CBX6: variants seen among roughly 807,000 people sequenced by gnomAD.
The protein encoded by CBX6 is chromobox 6.
CBX6 carries 7 observed loss-of-function variants against 28.4 expected under a neutral mutation model. The observed-to-expected ratio is 0.25, with a 90% CI of 0.14 to 0.46. CBX6 has a LOEUF of 0.46. Among genes scored for constraint, CBX6 ranks in the 20% least tolerant of loss-of-function variants. The pLI is 0.99. For synonymous variants in CBX6, 297 were observed against 273.4 expected (o/e 1.09, Z -0.85); for missense variants, 512 against 606.1 (o/e 0.84, Z 1.63).
rs2093181859 is a variant in CBX6 at position 38,871,370 on chromosome 22, A to G, written c.246+110T>C. On this transcript the variant is annotated intron_variant, in intron 4 of 4. Coordinates refer to ENST00000407418, the MANE Select transcript of CBX6 (RefSeq NM_014292.5). The surrounding 1 kb of genome is among the most constrained non-coding windows in gnomAD (Gnocchi z 5.6). Reference sequence around the variant, plus strand: ...CCTGCCCAGCTGGGGCCCCTCTGAAAAGGCCGGCCCGCTTGGGCGGCCGCG... The same window carrying G: ...CCTGCCCAGCTGGGGCCCCTCTGAAGAGGCCGGCCCGCTTGGGCGGCCGCG... The G allele has an allele frequency of 1.7e-6, 2 of 1,150,682 alleles. No homozygotes were observed. Among genetic ancestry groups the G allele is most frequent in the Non-Finnish European group, 2.5e-6 (2 of 805,380 alleles). The allele number at this position is 1,150,682 out of a possible 1,614,324, so 71.3% of individuals were successfully genotyped here.
rs958240158 is a variant in CBX6, at chr22:38,866,552, G to C, written c.896C>G (p.Thr299Ser). The change falls in exon 5 of 5, where the codon ACC (threonine) becomes AGC (serine). Residue 299 changes from threonine (T) to serine (S), a missense_variant. Physicochemically the swap from Thr to Ser is moderately conservative, Grantham distance 58. Coordinates refer to ENST00000407418, the MANE Select transcript of CBX6 (RefSeq NM_014292.5). This position sits in a 1 kb window ranked among gnomAD's most constrained non-coding sequence, Gnocchi z 7.5. Reference protein sequence around the residue: ...DDTPPKLLPETVSPSAPSWRE... With the variant: ...DDTPPKLLPESVSPSAPSWRE... ...CCAGCTGGGGGCGGATGGGCTCACGGTCTCGGGGAGGAGCTTGGGGGGCGT... is the reference window on the plus strand; with the variant it reads ...CCAGCTGGGGGCGGATGGGCTCACGCTCTCGGGGAGGAGCTTGGGGGGCGT... 7.6e-6 allele frequency: 12 copies of C among 1,578,412 alleles called. No individual in the cohort carries two copies. Among genetic ancestry groups the C allele is most frequent in the Non-Finnish European group, 9.4e-6 (11 of 1,169,622 alleles).
intron 4 of CBX6, chr22:38,869,780 T>C (rs1390540034): frequency 2.0e-5 from 3 of 152,126 alleles, no homozygotes; most frequent in Non-Finnish European, 4.4e-5. Flanking sequence ...CCCATGTCTG[T>C]GGGCAAGTTA....
At position 38,866,734 on chromosome 22, in the gene CBX6, C is replaced by T. The variant is rs147450865; in HGVS notation, c.714G>A (p.Pro238=). 60 of 1,591,580 alleles carry T rather than the reference C, an allele frequency of 3.8e-5. No individual in the cohort carries two copies. The African/African-American group carries it at 7.5e-4, about 20-fold the overall frequency. The change falls in exon 5 of 5, where the codon CCG becomes CCA. Residue 238 remains proline, a synonymous_variant. Coordinates refer to ENST00000407418, the MANE Select transcript of CBX6 (RefSeq NM_014292.5). This position sits in a 1 kb window ranked among gnomAD's most constrained non-coding sequence, Gnocchi z 7.5. ...GGGACGGGGCTACCAGGGGGGCGGG[C>T]GGAGGCTTGTACAGCGCAAAGGCGC... is the stretch of plus-strand genomic sequence containing the variant. The part of the protein sequence containing the change: ...KFGAFALYKP[P]PAPLVAPSPG...
Position 38,871,579 on chromosome 22 carries a change from G to A in CBX6, c.180-33C>T, listed in dbSNP as rs199673563. The A allele has an allele frequency of 8.5e-5, 137 of 1,612,972 alleles. No individual in the cohort carries two copies. The highest frequency in any genetic ancestry group is 1.7e-4 in the Middle Eastern group (1 of 6,018). On this transcript the variant is annotated intron_variant, in intron 3 of 4. Coordinates refer to ENST00000407418, the MANE Select transcript of CBX6 (RefSeq NM_014292.5). The surrounding 1 kb of genome is among the most constrained non-coding windows in gnomAD (Gnocchi z 5.6). ...CGAAAAACACCAGAGGTTAAAAAGA[G>A]CCCCTTCCCGGGCCCCACTCCGCGC...
At chr22:38,868,213 A>G (rs1322802438) in intron 4 of CBX6, among the ~76,000 whole-genome samples, 1 of 152,232 alleles carries the variant, frequency 6.6e-6, no homozygotes, top group East Asian at 1.9e-4. Context: ...TAAGGAAGGT[A>G]CTGAGGCACC....
In CBX6 at chr22:38,871,500, G is replaced by A; in HGVS notation, c.226C>T (p.Pro76Ser). The A allele has an allele frequency of 6.2e-7, 1 of 1,612,638 alleles. No homozygotes were observed. Among genetic ancestry groups the A allele is most frequent in the South Asian group, 1.1e-5 (1 of 90,970 alleles). The stretch of plus-strand genomic sequence containing the variant: ...GTTACCTTCAGGAGGAAAGTTTTGG[G>A]TTTGGGTCCCCTCTTCTTGGGCCCA... ...LYGPKKRGPK[P>S]KTFLLKARAQ... The change falls in exon 4 of 5, where the codon CCC (proline) becomes TCC (serine). Residue 76 changes from proline to serine, a missense_variant. By Grantham distance (74) the Pro-to-Ser change is moderately conservative. Around this residue, in one of 7 missense-constraint regions of CBX6, gnomAD observed 123 missense variants for 138.1 expected, o/e 0.89. Transcript: ENST00000407418. The surrounding 1 kb of genome is among the most constrained non-coding windows in gnomAD (Gnocchi z 5.6).
Position 38,868,470 on chromosome 22 carries a change from G to A in CBX6, c.247-1269C>T, listed in dbSNP as rs1279939057. On this transcript the variant is annotated intron_variant, in intron 4 of 4. Coordinates refer to ENST00000407418, the MANE Select transcript of CBX6 (RefSeq NM_014292.5). ...TGACTGCACCCCAGACAGTTCCAGA[G>A]GCTGCGGTGGCCTGCTAAGACAGAC... is the stretch of plus-strand genomic sequence containing the variant. Among the ~76,000 whole-genome samples, 3 of 152,344 alleles carry A rather than the reference G, an allele frequency of 2.0e-5. No homozygotes were observed. The East Asian group carries it at 5.8e-4, about 29-fold the overall frequency.
rs1435914439 is a variant in CBX6 at position 38,863,060 on chromosome 22, G to T, written c.*3149C>A. 6.6e-6 allele frequency: 1 copy of T among 152,224 alleles called. No individual in the cohort carries two copies. The highest frequency in any genetic ancestry group is 2.4e-5 in the African/African-American group (1 of 41,444). 9.4% of individuals were successfully genotyped at this position (152,224 alleles called of 1,614,324 possible). On this transcript the variant is annotated 3_prime_UTR_variant, in exon 5 of 5. Transcript: ENST00000407418. ...CCCTTTGCAGGGTGAGAACAAAGAG[G>T]GGTTGTGGGCAGCTGGGGGCCCCAG...
rs762587207 is a variant in CBX6 at position 38,872,167 on chromosome 22, C to T, written c.24G>A (p.Glu8=). 7.0e-7 allele frequency: 1 copy of T among 1,420,634 alleles called. No homozygotes were observed. Among genetic ancestry groups the T allele is most frequent in the Admixed American group, 2.3e-5 (1 of 43,192 alleles). The allele number at this position is 1,420,634 out of a possible 1,614,324, so 88.0% of individuals were successfully genotyped here. MELSAVG[E]RVFAAESIIK... Reference sequence around the variant, plus strand: ...TGATGGATTCGGCCGCGAAGACCCGCTCGCCCACTGCAGACAGCTCCATCT... The same window carrying T: ...TGATGGATTCGGCCGCGAAGACCCGTTCGCCCACTGCAGACAGCTCCATCT... Residue 8 remains glutamate (E), a synonymous_variant, in exon 1 of 5, where the codon GAG becomes GAA. Coordinates refer to ENST00000407418, the MANE Select transcript of CBX6 (RefSeq NM_014292.5). The surrounding 1 kb of genome is among the most constrained non-coding windows in gnomAD (Gnocchi z 5.0).
In CBX6 at chr22:38,871,198, A is replaced by C. The variant is rs540598850; in HGVS notation, c.246+282T>G. The C allele has an allele frequency of 3.8e-6, 2 of 528,626 alleles. 1 individual carries two copies. Among genetic ancestry groups the C allele is most frequent in the South Asian group, 4.4e-5 (2 of 45,044 alleles). 32.7% of individuals were successfully genotyped at this position (528,626 alleles called of 1,614,324 possible). On this transcript the variant is annotated intron_variant, in intron 4 of 4. Transcript: ENST00000407418. The surrounding 1 kb of genome is among the most constrained non-coding windows in gnomAD (Gnocchi z 5.6). ...CCCATGGGCATCCCCCACCTGCCTCAGCCACCCCCTTTCCTGGAGCCCTAA... is the reference window on the plus strand; with the variant it reads ...CCCATGGGCATCCCCCACCTGCCTCCGCCACCCCCTTTCCTGGAGCCCTAA...
chr22:38,867,208 GCA>G lies in CBX6; in HGVS notation c.247-9_247-8del. The G allele has an allele frequency of 3.4e-6, 3 of 874,554 alleles. No homozygotes were observed. The highest frequency in any genetic ancestry group is 5.0e-6 in the Non-Finnish European group (3 of 604,616). 54.2% of individuals were successfully genotyped at this position (874,554 alleles called of 1,614,324 possible). Reference sequence around the variant, plus strand: ...CCTCGGCCTGGGCCCGCGCCTGCGGGCAGAGGGAGGGGTGGGTGGGACCTCAG... The same window carrying G: ...CCTCGGCCTGGGCCCGCGCCTGCGGGGAGGGAGGGGTGGGTGGGACCTCAG... On this transcript the variant is annotated splice_region_variant and splice_polypyrimidine_tract_variant and intron_variant, in intron 4 of 4. Coordinates refer to ENST00000407418, the MANE Select transcript of CBX6 (RefSeq NM_014292.5).
Position 38,871,670 on chromosome 22 carries a change from G to T in CBX6, c.179+22C>A. The T allele has an allele frequency of 6.2e-7, 1 of 1,613,070 alleles. No homozygotes were observed. The highest frequency in any genetic ancestry group is 8.5e-7 in the Non-Finnish European group (1 of 1,179,506). ...GCCGAGCCTCGGCCTCGCAGCCCCT[G>T]CCAGCTTCCCCAACAACTCACTTTT... On this transcript the variant is annotated intron_variant, in intron 3 of 4. Coordinates refer to ENST00000407418, the MANE Select transcript of CBX6 (RefSeq NM_014292.5). The surrounding 1 kb of genome is among the most constrained non-coding windows in gnomAD (Gnocchi z 5.6).
intron 4 of CBX6, among the ~76,000 whole-genome samples, chr22:38,868,931 T>G (rs115948952): frequency 0.013 from 1,948 of 152,290 alleles, 44 homozygotes; most frequent in African/African-American, 0.043. Context: ...ATTTAGAACG[T>G]GGCGTTCACC....
intron 4 of CBX6, among the ~76,000 whole-genome samples, chr22:38,867,728 C>G (rs535479733): frequency 6.6e-6 from 1 of 152,340 alleles, no homozygotes; most frequent in South Asian, 2.1e-4. Context: ...GCCCCGTACT[C>G]TCTCGCCTTT....
rs1461569919 is a variant in CBX6 at position 38,870,084 on chromosome 22, T to G, written c.246+1396A>C. ...TGCCACGCCAACTCTGCAGCCTTCA[T>G]AGTTTCCTGTGTGTGTCTGCCTTCC... On this transcript the variant is annotated intron_variant, in intron 4 of 4. Transcript: ENST00000407418. This position sits in a 1 kb window ranked among gnomAD's most constrained non-coding sequence, Gnocchi z 4.3. 1 of 152,292 alleles carries G rather than the reference T, an allele frequency of 6.6e-6. No individual in the cohort carries two copies. The highest frequency in any genetic ancestry group is 1.5e-5 in the Non-Finnish European group (1 of 68,096). 9.4% of individuals were successfully genotyped at this position (152,292 alleles called of 1,614,324 possible). A position where few individuals can be genotyped will look rare whatever the true frequency, so the allele number is the denominator to read the frequency against.
rs1362917069 is a variant in CBX6 at position 38,867,176 on chromosome 22, C to T, written c.272G>A (p.Arg91His). The change falls in exon 5 of 5, where the codon CGC becomes CAC. Residue 91 changes from arginine (R) to histidine (H), a missense_variant. By Grantham distance (29) the Arg-to-His change is conservative (BLOSUM62 0). Coordinates refer to ENST00000407418, the MANE Select transcript of CBX6 (RefSeq NM_014292.5). ...GACAGAGAAATGCACATCACTGATG[C>T]GGAGGGCCTCGGCCTGGGCCCGCGC... ...LKARAQAEAL[R>H]ISDVHFSVKP... 4.9e-6 allele frequency: 6 copies of T among 1,215,436 alleles called. No homozygotes were observed. Among genetic ancestry groups the T allele is most frequent in the East Asian group, 1.2e-4 (2 of 16,678 alleles). The allele number at this position is 1,215,436 out of a possible 1,614,324, so 75.3% of individuals were successfully genotyped here. A position where few individuals can be genotyped will look rare whatever the true frequency, so the allele number is the denominator to read the frequency against.
rs747463255 is a variant in CBX6, at chr22:38,872,146, G to A, written c.45C>T (p.Ser15=). 1.4e-6 allele frequency: 2 copies of A among 1,428,174 alleles called. No individual in the cohort carries two copies. The highest frequency in any genetic ancestry group is 1.9e-6 in the Non-Finnish European group (2 of 1,075,458). The allele number at this position is 1,428,174 out of a possible 1,614,324, so 88.5% of individuals were successfully genotyped here. A position where few individuals can be genotyped will look rare whatever the true frequency, so the allele number is the denominator to read the frequency against. The change falls in exon 1 of 5, where the codon TCC becomes TCT. Residue 15 remains serine, a synonymous_variant. Transcript: ENST00000407418. This position sits in a 1 kb window ranked among gnomAD's most constrained non-coding sequence, Gnocchi z 5.0. ...AVGERVFAAE[S]IIKRRIRKGR... ...CCTTTCGGATCCGCCGTTTGATGAT[G>A]GATTCGGCCGCGAAGACCCGCTCGC...
At position 38,866,185 on chromosome 22, in the gene CBX6, G is replaced by A; in HGVS notation, c.*24C>T. On this transcript the variant is annotated 3_prime_UTR_variant, in exon 5 of 5. Transcript: ENST00000407418. The surrounding 1 kb of genome is among the most constrained non-coding windows in gnomAD (Gnocchi z 7.5). ...ACTTCGGGCAGGAGGGCCCCCCCAA[G>A]CCCCCCTCCTTGGTGGAGCCCCCTC... 11 of 1,502,546 alleles carry A rather than the reference G, an allele frequency of 7.3e-6. No homozygotes were observed. Among genetic ancestry groups the A allele is most frequent in the East Asian group, 2.3e-5 (1 of 42,820 alleles). The allele number at this position is 1,502,546 out of a possible 1,614,324, so 93.1% of individuals were successfully genotyped here.
Position 38,862,518 on chromosome 22 carries a change from C to CAAAAAAAAAAAAAAAAAAAAAAAAAAA in CBX6, c.*3664_*3690dup, listed in dbSNP as rs3042739. The stretch of plus-strand genomic sequence containing the variant: ...TCCACTGTCCTGTGTGGGCGAAGTG[C>CAAAAAAAAAAAAAAAAAAAAAAAAAAA]AAAAAAAAAAAAAAAAAAAAAAAAA... On this transcript the variant is annotated 3_prime_UTR_variant, in exon 5 of 5. Transcript: ENST00000407418. 1.1e-4 allele frequency: 3 copies of CAAAAAAAAAAAAAAAAAAAAAAAAAAA among 27,424 alleles called. No homozygotes were observed. Among genetic ancestry groups the CAAAAAAAAAAAAAAAAAAAAAAAAAAA allele is most frequent in the Admixed American group, 5.2e-4 (1 of 1,912 alleles). The allele number at this position is 27,424 out of a possible 1,614,324, so 1.7% of individuals were successfully genotyped here.
Sources: allele counts gnomAD v4.1 joint callset (sites outside exome capture counted in the v4.1 genomes callset), GRCh38; gene constraint gnomAD v4.1.1; regional missense constraint gnomAD v4.1.1; non-coding constraint Gnocchi (gnomAD v3.1); transcripts MANE v1.5; gene names NCBI Gene and HGNC (gene_info 2026-07-23, HGNC 2026-07-21).